The following ARHGAP25 variants were observed in gnomAD, a reference collection of about 807,000 sequenced individuals.
ARHGAP25 encodes the protein rho GTPase-activating protein 25.
Under a neutral mutation model 71.0 loss-of-function variants are expected in ARHGAP25, and 34 were observed. The observed-to-expected ratio is 0.48, with a 90% CI of 0.36 to 0.64. The LOEUF (loss-of-function observed/expected upper bound fraction) is 0.64, where lower values mean the gene tolerates loss of function less well. ARHGAP25 is among the 30% of genes least tolerant of loss of function. The probability of loss-of-function intolerance (pLI) is 0.00; values close to 1 mark genes in which losing one functional copy is unlikely to be tolerated. For missense variants in ARHGAP25, 706 were observed against 805.1 expected (o/e 0.88, Z 1.49); for synonymous variants, 282 against 296.5 (o/e 0.95, Z 0.50).
intron 10 of ARHGAP25, among the ~76,000 whole-genome samples, chr2:68,825,161 G>A (rs115458822): frequency 0.029 from 4,478 of 152,240 alleles, 103 homozygotes; most frequent in Non-Finnish European, 0.045. Context: ...AGACTGCCAG[G>A]ACCACAGCTC....
intron 5 of ARHGAP25, 27 bp downstream of exon 5, chr2:68,807,507 C>A: frequency 1.9e-6 from 3 of 1,603,668 alleles, no homozygotes; most frequent in Non-Finnish European, 2.6e-6. Context: ...CAGTGTCCCA[C>A]CTCTGCCCTC....
At chr2:68,744,768 GCGGAC>G (rs1412712828) in intron 1 of ARHGAP25, among the ~76,000 whole-genome samples, 1 of 152,198 alleles carries the variant, frequency 6.6e-6, no homozygotes, top group Admixed American at 6.5e-5. Flanking sequence ...GAGAGTGCCC[GCGGAC>G]AATGCAGTTG....
chr2:68,790,453 G>C (rs1679091393), intron 4 of ARHGAP25, among the ~76,000 whole-genome samples: 2 of 152,294 alleles, frequency 1.3e-5, no homozygotes, highest in South Asian at 4.1e-4. Flanking sequence ...TGTCCCGTGG[G>C]CCCAGGAGGT....
chr2:68,816,006 GTCCT>G, intron 6 of ARHGAP25: 1 of 444,582 alleles, frequency 2.2e-6, no homozygotes, highest in Non-Finnish European at 4.2e-6. Flanking sequence ...TTGTTAAACA[GTCCT>G]TCCTTAGAGT....
intron 3 of ARHGAP25, among the ~76,000 whole-genome samples, chr2:68,786,427 T>TG (rs1678766003): frequency 6.6e-6 from 1 of 152,224 alleles, no homozygotes; most frequent in African/African-American, 2.4e-5. Context: ...CACTGGATAC[T>TG]GACGAACTGG....
chr2:68,813,709 T>C (rs1329321577), intron 6 of ARHGAP25, among the ~76,000 whole-genome samples: 3 of 152,204 alleles, frequency 2.0e-5, no homozygotes, highest in Non-Finnish European at 4.4e-5. Flanking sequence ...TCAAGCATGA[T>C]GGCCTTGCTG....
chr2:68,819,468 C>T, intron 9 of ARHGAP25, 149 bp downstream of exon 9: 1 of 797,476 alleles, frequency 1.3e-6, no homozygotes, highest in Middle Eastern at 2.2e-4. Context: ...TCTGAACACA[C>T]CTTGAAAGCC....
intron 2 of ARHGAP25, among the ~76,000 whole-genome samples, chr2:68,778,688 T>C (rs1282258895): frequency 2.0e-5 from 3 of 152,162 alleles, no homozygotes; most frequent in Non-Finnish European, 4.4e-5. Flanking sequence ...CACCAAAAAA[T>C]TGTCATACCC....
At chr2:68,824,374 C>T (rs1006639739) in intron 10 of ARHGAP25, among the ~76,000 whole-genome samples, 6 of 152,190 alleles carry the variant, frequency 3.9e-5, no homozygotes, top group Non-Finnish European at 7.3e-5. Flanking sequence ...TAGCACAGTG[C>T]CTCACTTGGA....
Position 68,822,236 on chromosome 2 carries a change from T to C in ARHGAP25, c.1201-104T>C. 3 of 1,104,178 alleles carry C rather than the reference T, an allele frequency of 2.7e-6. No individual in the cohort carries two copies. The South Asian group carries it at 4.6e-5, about 17-fold the overall frequency. The allele number at this position is 1,104,178 out of a possible 1,614,324, so 68.4% of individuals were successfully genotyped here. ...TGATACATTAAGAATTTCATAGGTA[T>C]GCTACCAGGAAACTTTTGTTTTGGG... On this transcript the variant is annotated intron_variant, in intron 9 of 10. Transcript: ENST00000409202.
intron 1 of ARHGAP25, among the ~76,000 whole-genome samples, chr2:68,753,728 C>T (rs970424254): frequency 1.3e-5 from 2 of 152,076 alleles, no homozygotes; most frequent in African/African-American, 4.8e-5. Flanking sequence ...CTCAACAAGT[C>T]GCTGTAGAAT....
intron 4 of ARHGAP25, among the ~76,000 whole-genome samples, chr2:68,789,932 A>C (rs1679045531): frequency 6.6e-6 from 1 of 152,196 alleles, no homozygotes; most frequent in South Asian, 2.1e-4. Flanking sequence ...ATCAGAGTGC[A>C]ACAGCACTTA....
chr2:68,739,541 T>C (rs1675408470), intron 1 of ARHGAP25, among the ~76,000 whole-genome samples: 1 of 152,210 alleles, frequency 6.6e-6, no homozygotes, highest in Non-Finnish European at 1.5e-5. Flanking sequence ...AAAATGGTCC[T>C]ATCACACACA....
chr2:68,749,774 G>A (rs958894853), intron 1 of ARHGAP25, among the ~76,000 whole-genome samples: 1 of 152,150 alleles, frequency 6.6e-6, no homozygotes, highest in Admixed American at 6.6e-5. Context: ...CTAGGTATTC[G>A]AACTTTTCTA....
intron 2 of ARHGAP25, among the ~76,000 whole-genome samples, chr2:68,722,364 G>A (rs1674781561): frequency 6.6e-6 from 1 of 151,872 alleles, no homozygotes; most frequent in Non-Finnish European, 1.5e-5. Context: ...AATCACTTGA[G>A]GTCAGGGGTT....
intron 1 of ARHGAP25, among the ~76,000 whole-genome samples, chr2:68,756,898 T>G (rs1295953621): frequency 6.6e-6 from 1 of 151,844 alleles, no homozygotes; most frequent in Admixed American, 6.6e-5. Flanking sequence ...CTTAAAAAAC[T>G]GAAGGAAAAT....
chr2:68,807,241 T>G (rs1680440463), intron 4 of ARHGAP25, 32 bp from the exon 5 acceptor site: 1 of 1,609,164 alleles, frequency 6.2e-7, no homozygotes, highest in African/African-American at 1.3e-5. Context: ...AAGCACAGAA[T>G]GACGGGCAGG....
At chr2:68,765,785 A>T (rs1677086005) in intron 1 of ARHGAP25, among the ~76,000 whole-genome samples, 1 of 152,158 alleles carries the variant, frequency 6.6e-6, no homozygotes, top group Non-Finnish European at 1.5e-5. Flanking sequence ...ACATATTATG[A>T]CTCGTTTCCT....
chr2:68,795,007 A>G (rs879498848), intron 4 of ARHGAP25, among the ~76,000 whole-genome samples: 6 of 151,812 alleles, frequency 4.0e-5, no homozygotes, highest in Non-Finnish European at 7.4e-5. Flanking sequence ...CTTGGGAGGT[A>G]TATGTTTCTA....
Sources: gnomAD v4.1 joint callset for allele counts (sites outside exome capture counted in the v4.1 genomes callset) on GRCh38, gnomAD v4.1.1 for gene constraint, MANE v1.5 for transcripts, NCBI Gene and HGNC (gene_info 2026-07-23, HGNC 2026-07-21) for gene names.